MALRD1: variants seen among roughly 807,000 people sequenced by gnomAD.
The protein encoded by MALRD1 is MAM and LDL receptor class A domain containing 1, also known as MAM and LDL-receptor class A domain-containing protein 1.
In MALRD1, 247 loss-of-function variants were observed where a neutral mutation model predicts 242.1. That is an observed-to-expected ratio of 1.02 (90% CI 0.92 to 1.13). MALRD1 has a LOEUF of 1.13. MALRD1 is among the 50% of genes most tolerant of loss of function. The probability of loss-of-function intolerance (pLI) is 0.00; values close to 1 mark genes in which losing one functional copy is unlikely to be tolerated. For synonymous variants in MALRD1, 995 were observed against 866.6 expected, an observed-to-expected ratio of 1.15 and a Z score of -2.60; for missense variants, 2,989 against 2,533.1, an observed-to-expected ratio of 1.18 and a Z score of -3.86.
rs533626898 is a variant in MALRD1, at chr10:19,356,573, A to G, written c.4441+4276A>G. Among the ~76,000 whole-genome samples the G allele has an allele frequency of 5.6e-4, 85 of 152,270 alleles. 1 individual carries two copies. In the South Asian group the frequency reaches 8.5e-3, roughly 15 times the overall value. On this transcript the variant is annotated intron_variant, in intron 26 of 39. Coordinates refer to ENST00000454679, the MANE Select transcript of MALRD1 (RefSeq NM_001142308.3). ...TGAGATATTTTGCATTCTTGTTTAC[A>G]TACTAAGTTTTTAAATCCAGTGTGT... is the stretch of plus-strand genomic sequence containing the variant.
intron 33 of MALRD1, among the ~76,000 whole-genome samples, chr10:19,585,209 C>A (rs1837327417): frequency 6.6e-6 from 1 of 151,992 alleles, no homozygotes; most frequent in Admixed American, 6.6e-5. Context: ...TTAATTGGAG[C>A]ATTTAGTCCA....
At chr10:19,451,542 T>G (rs1459953506) in intron 29 of MALRD1, among the ~76,000 whole-genome samples, 1 of 152,216 alleles carries the variant, frequency 6.6e-6, no homozygotes, top group Non-Finnish European at 1.5e-5. Flanking sequence ...TGAGATATAC[T>G]GCCAGTGAAA....
intron 38 of MALRD1, among the ~76,000 whole-genome samples, chr10:19,724,333 GTAAA>G (rs1834914629): frequency 6.6e-6 from 1 of 152,130 alleles, no homozygotes; most frequent in South Asian, 2.1e-4. Flanking sequence ...AATCAATTTA[GTAAA>G]TAAAGTTAAT....
chr10:19,689,148 C>T (rs993625618), intron 36 of MALRD1, among the ~76,000 whole-genome samples: 5 of 152,164 alleles, frequency 3.3e-5, no homozygotes, highest in Admixed American at 1.3e-4. Context: ...CATGATACAT[C>T]GCTGAGAGAA....
At chr10:19,083,911 T>C (rs1590405141) in intron 2 of MALRD1, among the ~76,000 whole-genome samples, 1 of 152,104 alleles carries the variant, frequency 6.6e-6, no homozygotes, top group East Asian at 1.9e-4. Context: ...GATTCTGACA[T>C]TTTTGCCAGT....
chr10:19,543,948 C>G (rs1835095309), intron 32 of MALRD1, among the ~76,000 whole-genome samples: 1 of 152,032 alleles, frequency 6.6e-6, no homozygotes, highest in Admixed American at 6.6e-5. Flanking sequence ...CAATATATAT[C>G]TTATCTTTAT....
At chr10:19,469,807 C>T (rs1189491050) in intron 29 of MALRD1, among the ~76,000 whole-genome samples, 1 of 151,892 alleles carries the variant, frequency 6.6e-6, no homozygotes, top group Non-Finnish European at 1.5e-5. Context: ...GTGTGATTGC[C>T]ATATAAAAAG....
chr10:19,602,154 CTT>C (rs35031620), intron 34 of MALRD1, among the ~76,000 whole-genome samples: 51,802 of 104,494 alleles, frequency 0.5, 9,682 homozygotes, highest in Non-Finnish European at 0.52. Context: ...TGCCAATTTT[CTT>C]TTTTTTTTTT....
chr10:19,234,634 A>T (rs1838222186), intron 18 of MALRD1, among the ~76,000 whole-genome samples: 2 of 125,854 alleles, frequency 1.6e-5, no homozygotes, highest in Admixed American at 7.7e-5. Flanking sequence ...CTTATCTTTA[A>T]AAAAAAAGCG....
chr10:19,491,492 C>CTTTTGTTT, intron 29 of MALRD1, 25 bp from the exon 30 acceptor site: 1 of 1,546,284 alleles, frequency 6.5e-7, no homozygotes, highest in Non-Finnish European at 8.7e-7. Context: ...TGGAATACTG[C>CTTTTGTTT]TTTTGTTTTT....
intron 21 of MALRD1, among the ~76,000 whole-genome samples, chr10:19,305,195 G>A (rs751178267): frequency 4.0e-5 from 6 of 151,546 alleles, no homozygotes; most frequent in African/African-American, 1.5e-4. Flanking sequence ...AACATATCAC[G>A]CAGTGGAATG....
chr10:19,283,256 A>C, intron 21 of MALRD1, 75 bp downstream of exon 21: 1 of 1,239,536 alleles, frequency 8.1e-7, no homozygotes, highest in Non-Finnish European at 1.1e-6. Flanking sequence ...TGCCCCCACC[A>C]CCTTATCCTA....
At chr10:19,497,701 C>G (rs753361074) in intron 30 of MALRD1, among the ~76,000 whole-genome samples, 7 of 152,060 alleles carry the variant, frequency 4.6e-5, no homozygotes, top group Admixed American at 6.5e-5. Flanking sequence ...AAGTCAATGA[C>G]AATCTCAATT....
intron 19 of MALRD1, among the ~76,000 whole-genome samples, chr10:19,258,618 G>T (rs1413920936): frequency 6.6e-6 from 1 of 152,132 alleles, no homozygotes; most frequent in Non-Finnish European, 1.5e-5. Flanking sequence ...GCAGAGTCAG[G>T]TGATGGGGCT....
intron 18 of MALRD1, among the ~76,000 whole-genome samples, chr10:19,218,756 C>T (rs1024969276): frequency 3.9e-5 from 6 of 152,062 alleles, no homozygotes; most frequent in Non-Finnish European, 8.8e-5. Flanking sequence ...ACACAGTGAT[C>T]TTGACACTGT....
chr10:19,580,789 A>G (rs1837079922), intron 33 of MALRD1, among the ~76,000 whole-genome samples: 1 of 152,200 alleles, frequency 6.6e-6, no homozygotes, highest in African/African-American at 2.4e-5. Context: ...AGTTCTGGAA[A>G]ATTCTCCATT....
At chr10:19,240,417 T>A (rs1041318297) in intron 18 of MALRD1, among the ~76,000 whole-genome samples, 6 of 152,018 alleles carry the variant, frequency 3.9e-5, no homozygotes, top group African/African-American at 1.4e-4. Context: ...TATAAGTATA[T>A]CTAGAAAGAA....
intron 36 of MALRD1, among the ~76,000 whole-genome samples, chr10:19,677,219 T>C (rs1033272262): frequency 3.3e-5 from 5 of 152,174 alleles, no homozygotes; most frequent in African/African-American, 1.2e-4. Context: ...TTTCTGGTTC[T>C]AGGTCTTCGA....
intron 29 of MALRD1, among the ~76,000 whole-genome samples, chr10:19,477,409 C>A (rs1836787045): frequency 6.6e-6 from 1 of 151,808 alleles, no homozygotes; most frequent in Non-Finnish European, 1.5e-5. Flanking sequence ...AGAAATAAGG[C>A]CTGTTAGCTC....
Sources: gnomAD v4.1 joint callset for allele counts (sites outside exome capture counted in the v4.1 genomes callset) on GRCh38, gnomAD v4.1.1 for gene constraint, MANE v1.5 for transcripts, NCBI Gene and HGNC (gene_info 2026-07-23, HGNC 2026-07-21) for gene names.